Variants in UBP1 observed in about 807,000 individuals in gnomAD.
The protein encoded by UBP1 is upstream-binding protein 1.
Under a neutral mutation model 76.1 loss-of-function variants are expected in UBP1, and 22 were observed. The ratio of observed to expected loss-of-function variants is 0.29; its 90% confidence interval spans 0.21 to 0.41. The LOEUF is 0.41. Ranked by LOEUF, UBP1 falls within the 10% of genes least tolerant of loss-of-function variation. UBP1 has a pLI of 1.00. For synonymous variants in UBP1, 224 were observed against 237.1 expected, an observed-to-expected ratio of 0.94 and a Z score of 0.51; for missense variants, 436 against 668.1, an observed-to-expected ratio of 0.65 and a Z score of 3.83.
At chr3:33,424,060 A>G (rs1277789348) in intron 2 of UBP1, among the ~76,000 whole-genome samples, 1 of 152,256 alleles carries the variant, frequency 6.6e-6, no homozygotes, top group African/African-American at 2.4e-5. Flanking sequence ...TTCCACAAGT[A>G]AGGAAAATTC....
chr3:33,409,071 T>C (rs1447662774), intron 7 of UBP1, among the ~76,000 whole-genome samples, 165 bp downstream of exon 7: 2 of 152,198 alleles, frequency 1.3e-5, no homozygotes, highest in Non-Finnish European at 2.9e-5. Flanking sequence ...AAACAGTCTA[T>C]CAAAATCCCC....
At chr3:33,405,395 A>G (rs1463901717) in intron 8 of UBP1, among the ~76,000 whole-genome samples, 1 of 152,244 alleles carries the variant, frequency 6.6e-6, no homozygotes, top group African/African-American at 2.4e-5. Context: ...TCACAGTTTT[A>G]TCTTAAATTG....
chr3:33,416,707 C>A, intron 3 of UBP1, 51 bp downstream of exon 3: 1 of 1,347,742 alleles, frequency 7.4e-7, no homozygotes. Context: ...TAAACAAAAA[C>A]TCATTCAATC....
At position 33,389,126 on chromosome 3, in the gene UBP1, T is replaced by C. The variant is rs562071547; in HGVS notation, c.*1205A>G. ...AAAGTGAGAAAACAGTGGATTCCCT[T>C]TGAAAAGTATGCTAGCAGACAAGCA... is the stretch of plus-strand genomic sequence containing the variant. On this transcript the variant is annotated 3_prime_UTR_variant, in exon 16 of 16. Coordinates refer to ENST00000283629, the MANE Select transcript of UBP1 (RefSeq NM_014517.5). 7.2e-5 allele frequency: 11 copies of C among 152,732 alleles called. No individual in the cohort carries two copies. Among genetic ancestry groups the C allele is most frequent in the Non-Finnish European group, 1.5e-4 (10 of 68,032 alleles). The allele number at this position is 152,732 out of a possible 1,614,324, so 9.5% of individuals were successfully genotyped here. A position where few individuals can be genotyped will look rare whatever the true frequency, so the allele number is the denominator to read the frequency against.
chr3:33,424,808 T>A (rs1036576660), intron 2 of UBP1, among the ~76,000 whole-genome samples: 2 of 152,162 alleles, frequency 1.3e-5, no homozygotes, highest in African/African-American at 4.8e-5. Context: ...CACTTTGGGA[T>A]GCCGAGGCAG....
chr3:33,396,965 T>C (rs1287245329), intron 12 of UBP1, 80 bp downstream of exon 12: 2 of 1,325,046 alleles, frequency 1.5e-6, no homozygotes, highest in Non-Finnish European at 2.2e-6. Flanking sequence ...CAACCTAGCG[T>C]GGAAACACAT....
In UBP1 at chr3:33,409,304, T is replaced by C; in HGVS notation, c.751A>G (p.Met251Val). The C allele has an allele frequency of 6.2e-7, 1 of 1,614,190 alleles. No homozygotes were observed. The highest frequency in any genetic ancestry group is 8.5e-7 in the Non-Finnish European group (1 of 1,180,032). Reference sequence around the variant, plus strand: ...TTTTCATGAGCTGTTCTCTTCTCCATCTTCTCTCGGTCAGTTTTTTGTTTC... The same window carrying C: ...TTTTCATGAGCTGTTCTCTTCTCCACCTTCTCTCGGTCAGTTTTTTGTTTC... ...DRKQKTDREKMEKRTAHEKEK... is the reference protein window; with the variant it reads ...DRKQKTDREKVEKRTAHEKEK... Residue 251 changes from methionine to valine, a missense_variant, in exon 7 of 16, where the codon ATG becomes GTG. This residue lies in a region of UBP1 where 65 missense variants were observed against 157.4 expected (regional missense o/e 0.41). Coordinates refer to ENST00000283629, the MANE Select transcript of UBP1 (RefSeq NM_014517.5).
At chr3:33,435,153 G>T (rs77598720) in intron 1 of UBP1, among the ~76,000 whole-genome samples, 2,121 of 152,256 alleles carry the variant, frequency 0.014, 21 homozygotes, top group South Asian at 0.027. Flanking sequence ...ATCAATAAAT[G>T]TTTTAAATGA....
chr3:33,392,629 TA>T lies in UBP1; in HGVS notation c.1534-16del. 1 of 1,602,594 alleles carries T rather than the reference TA, an allele frequency of 6.2e-7. No homozygotes were observed. ...TTCTGAACCATCTGGAAGGATAAAGTAAATGCGTAAGTACAATTAAGATCCA... is the reference window on the plus strand; with the variant it reads ...TTCTGAACCATCTGGAAGGATAAAGTAATGCGTAAGTACAATTAAGATCCA... On this transcript the variant is annotated splice_polypyrimidine_tract_variant and intron_variant, in intron 14 of 15. Transcript: ENST00000283629.
At chr3:33,408,851 T>C (rs909102953) in intron 7 of UBP1, 54 bp from the exon 8 acceptor site, 2 of 1,416,848 alleles carry the variant, frequency 1.4e-6, no homozygotes, top group African/African-American at 2.8e-5. Context: ...CAAAGAAAGA[T>C]CTAACACCCT....
chr3:33,429,372 A>T (rs997674780), intron 1 of UBP1, among the ~76,000 whole-genome samples: 4 of 151,752 alleles, frequency 2.6e-5, no homozygotes, highest in African/African-American at 9.7e-5. Flanking sequence ...TTTTTAAGAC[A>T]GGGTCTGGCT....
At chr3:33,399,720 C>T (rs1001319714) in intron 11 of UBP1, among the ~76,000 whole-genome samples, 8 of 152,142 alleles carry the variant, frequency 5.3e-5, no homozygotes, top group Admixed American at 2.0e-4. Context: ...ACAATCCTGT[C>T]ATCTTAATTG....
At chr3:33,429,640 T>C (rs140749652) in intron 1 of UBP1, among the ~76,000 whole-genome samples, 20 of 152,268 alleles carry the variant, frequency 1.3e-4, no homozygotes, top group African/African-American at 4.6e-4. Context: ...AAATGATGCA[T>C]TTTAGAAGGC....
Position 33,400,174 on chromosome 3 carries a change from C to T in UBP1, c.1180+15G>A, listed in dbSNP as rs1469141175. 1.3e-6 allele frequency: 2 copies of T among 1,499,864 alleles called. No homozygotes were observed. The highest frequency in any genetic ancestry group is 1.4e-5 in the African/African-American group (1 of 69,142). 92.9% of individuals were successfully genotyped at this position (1,499,864 alleles called of 1,614,324 possible). On this transcript the variant is annotated intron_variant, in intron 11 of 15. Transcript: ENST00000283629. ...AAACATTCTCATGCACAGATACACA[C>T]ACACATACACATACCTGAAAAATTA... is the stretch of plus-strand genomic sequence containing the variant.
intron 2 of UBP1, among the ~76,000 whole-genome samples, chr3:33,424,692 T>C (rs1178142387): frequency 6.6e-6 from 1 of 152,252 alleles, no homozygotes; most frequent in Non-Finnish European, 1.5e-5. Context: ...TACTTTTGTT[T>C]ACAGGGGTAA....
intron 1 of UBP1, among the ~76,000 whole-genome samples, chr3:33,435,839 C>T (rs1393225532): frequency 6.6e-6 from 1 of 152,114 alleles, no homozygotes; most frequent in Non-Finnish European, 1.5e-5. Context: ...CTGGGAAAGA[C>T]CAAAATTCAA....
At chr3:33,409,743 C>T (rs951643296) in intron 5 of UBP1, 142 bp from the exon 6 acceptor site, 28 of 1,059,114 alleles carry the variant, frequency 2.6e-5, no homozygotes, top group Non-Finnish European at 3.5e-5. Flanking sequence ...GCCAAATTAT[C>T]TATGAACCTA....
intron 13 of UBP1, among the ~76,000 whole-genome samples, chr3:33,395,344 A>C (rs1166616092): frequency 6.6e-6 from 1 of 151,962 alleles, no homozygotes; most frequent in Admixed American, 6.5e-5. Flanking sequence ...TTTTTTTTAA[A>C]GTTCTGAGCA....
rs768473500 is a variant in UBP1 at position 33,411,642 on chromosome 3, C to T, written c.494G>A (p.Ser165Asn). 1.9e-5 allele frequency: 30 copies of T among 1,613,994 alleles called. No individual in the cohort carries two copies. The highest frequency in any genetic ancestry group is 2.5e-5 in the Non-Finnish European group (29 of 1,180,002). Residue 165 changes from serine to asparagine, a missense_variant, in exon 5 of 16, where the codon AGC (serine) becomes AAC (asparagine). By Grantham distance (46) the Ser-to-Asn change is conservative. Transcript: ENST00000283629. ...CAGAAATTCAACCGCATTTAACTGG[C>T]TTGGATTCGTCCTTGTGTCAATTAT... ...VGIIDTRTNP[S>N]QLNAVEFLWD... is the part of the protein sequence containing the mutation.
Sources: gnomAD v4.1 joint callset for allele counts (sites outside exome capture counted in the v4.1 genomes callset) on GRCh38, gnomAD v4.1.1 for gene constraint, gnomAD v4.1.1 regional missense constraint, MANE v1.5 for transcripts, NCBI Gene and HGNC (gene_info 2026-07-23, HGNC 2026-07-21) for gene names.